Variants in GALNT17 observed in about 807,000 individuals in gnomAD.
The protein encoded by GALNT17 is polypeptide N-acetylgalactosaminyltransferase 17.
In GALNT17, 29 loss-of-function variants were observed where a neutral mutation model predicts 63.7. The ratio of observed to expected loss-of-function variants is 0.46; its 90% CI spans 0.34 to 0.62. The LOEUF (loss-of-function observed/expected upper bound fraction) is 0.62, where lower values mean the gene tolerates loss of function less well. GALNT17 is among the 20% of genes least tolerant of loss of function. GALNT17 has a pLI of 0.01. For missense variants in GALNT17, 603 were observed against 799.6 expected, an observed-to-expected ratio of 0.75 and a Z score of 2.97; for synonymous variants, 305 against 318.3, an observed-to-expected ratio of 0.96 and a Z score of 0.45.
At chr7:71,260,433 G>C (rs1462363517) in intron 1 of GALNT17, among the ~76,000 whole-genome samples, 1 of 152,096 alleles carries the variant, frequency 6.6e-6, no homozygotes, top group Admixed American at 6.6e-5. Context: ...TTATTCCACT[G>C]TGTGAGATCC....
chr7:71,435,169 A>T (rs1583950198), intron 5 of GALNT17, among the ~76,000 whole-genome samples: 1 of 152,108 alleles, frequency 6.6e-6, no homozygotes, highest in Admixed American at 6.6e-5. Flanking sequence ...CTACAGAAAA[A>T]TTTTTAAAAT....
At chr7:71,660,985 A>C (rs1204528405) in intron 6 of GALNT17, among the ~76,000 whole-genome samples, 2 of 152,212 alleles carry the variant, frequency 1.3e-5, no homozygotes, top group African/African-American at 4.8e-5. Context: ...GGATCCGTGC[A>C]GCAGCAGGCT....
intron 1 of GALNT17, among the ~76,000 whole-genome samples, chr7:71,296,774 A>G (rs1385866527): frequency 6.6e-6 from 1 of 152,026 alleles, no homozygotes; most frequent in African/African-American, 2.4e-5. Flanking sequence ...TAAGTAAAGT[A>G]TGATATTTAA....
intron 1 of GALNT17, among the ~76,000 whole-genome samples, chr7:71,318,178 T>A (rs186003714): frequency 2.6e-5 from 4 of 152,164 alleles, no homozygotes; most frequent in African/African-American, 7.2e-5. Context: ...GTACTGGGAT[T>A]ATAGGCATAA....
Position 71,677,375 on chromosome 7 carries a change from C to G in GALNT17, c.1500+69C>G. On this transcript the variant is annotated intron_variant, in intron 9 of 10. Transcript: ENST00000333538. The stretch of plus-strand genomic sequence containing the variant: ...TCCGACCCACAGAGGCCTTGCAGGC[C>G]TTCTGGATAAACTTTGTTGCTGTCT... 3 of 1,457,420 alleles carry G rather than the reference C, an allele frequency of 2.1e-6. No individual in the cohort carries two copies. The South Asian group carries it at 3.8e-5, about 19-fold the overall frequency. 90.3% of individuals were successfully genotyped at this position (1,457,420 alleles called of 1,614,324 possible). A position where few individuals can be genotyped will look rare whatever the true frequency, so the allele number is the denominator to read the frequency against.
intron 6 of GALNT17, among the ~76,000 whole-genome samples, chr7:71,604,156 G>T (rs1790011259): frequency 6.6e-6 from 1 of 151,738 alleles, no homozygotes. Flanking sequence ...TGCATACAAT[G>T]GATACTATGC....
intron 6 of GALNT17, among the ~76,000 whole-genome samples, chr7:71,625,541 T>C (rs1790359799): frequency 1.3e-5 from 2 of 152,160 alleles, no homozygotes; most frequent in Admixed American, 1.3e-4. Flanking sequence ...CTTATAATTT[T>C]TTGGTGTTTT....
chr7:71,480,030 G>A (rs550373014), intron 5 of GALNT17, among the ~76,000 whole-genome samples: 1 of 152,122 alleles, frequency 6.6e-6, no homozygotes, highest in Admixed American at 6.5e-5. Context: ...GACATCTGAT[G>A]GACTCCCAAT....
chr7:71,200,209 TATC>T (rs1408452149), intron 1 of GALNT17, among the ~76,000 whole-genome samples: 1 of 152,220 alleles, frequency 6.6e-6, no homozygotes, highest in Non-Finnish European at 1.5e-5. Context: ...TCTGCCACGT[TATC>T]ATGTTGGCTT....
chr7:71,545,217 G>GA (rs1264086216), intron 5 of GALNT17, among the ~76,000 whole-genome samples: 1 of 152,040 alleles, frequency 6.6e-6, no homozygotes, highest in African/African-American at 2.4e-5. Context: ...AAGCTCTAAA[G>GA]ACTCTTCATT....
chr7:71,166,724 C>T (rs1389119902), intron 1 of GALNT17, among the ~76,000 whole-genome samples: 1 of 151,966 alleles, frequency 6.6e-6, no homozygotes, highest in Non-Finnish European at 1.5e-5. Flanking sequence ...GTTTGTTTAC[C>T]CATTCTCTTG....
At chr7:71,471,409 A>AC (rs1787628809) in intron 5 of GALNT17, among the ~76,000 whole-genome samples, 1 of 148,716 alleles carries the variant, frequency 6.7e-6, no homozygotes, top group Non-Finnish European at 1.5e-5. Context: ...CAAAAAAAAA[A>AC]AAAAACAAAA....
At chr7:71,685,121 C>A (rs527818557) in intron 9 of GALNT17, among the ~76,000 whole-genome samples, 1 of 152,130 alleles carries the variant, frequency 6.6e-6, no homozygotes, top group African/African-American at 2.4e-5. Flanking sequence ...TTGAGTCCTT[C>A]GGTGTTCTCC....
At chr7:71,585,736 T>C (rs938765324) in intron 6 of GALNT17, among the ~76,000 whole-genome samples, 2 of 152,120 alleles carry the variant, frequency 1.3e-5, no homozygotes, top group African/African-American at 2.4e-5. Context: ...CAGTCCAATG[T>C]ACAGATTGCC....
At chr7:71,531,473 C>A (rs891619800) in intron 5 of GALNT17, among the ~76,000 whole-genome samples, 1 of 152,178 alleles carries the variant, frequency 6.6e-6, no homozygotes, top group Non-Finnish European at 1.5e-5. Context: ...CAGCTGCACA[C>A]ATACTAGTAG....
Position 71,607,035 on chromosome 7 carries a change from G to T in GALNT17, c.1080+35633G>T, listed in dbSNP as rs184735648. 2.6e-5 allele frequency among the ~76,000 whole-genome samples: 4 copies of T among 152,276 alleles called. No individual in the cohort carries two copies. The South Asian group carries it at 6.2e-4, about 24-fold the overall frequency. ...TAAAATACTAATTGATACCAGGAGTGTTGGCTCACACCTGTAATCCCAGCA... is the reference window on the plus strand; with the variant it reads ...TAAAATACTAATTGATACCAGGAGTTTTGGCTCACACCTGTAATCCCAGCA... On this transcript the variant is annotated intron_variant, in intron 6 of 10. Coordinates refer to ENST00000333538, the MANE Select transcript of GALNT17 (RefSeq NM_022479.3).
intron 6 of GALNT17, among the ~76,000 whole-genome samples, chr7:71,592,225 A>G (rs552719928): frequency 2.1e-4 from 32 of 152,270 alleles, no homozygotes; most frequent in African/African-American, 7.2e-4. Flanking sequence ...AGGAAAAATG[A>G]TGGACCAGGC....
chr7:71,655,161 A>C (rs927452678), intron 6 of GALNT17, among the ~76,000 whole-genome samples: 1 of 152,122 alleles, frequency 6.6e-6, no homozygotes, highest in Non-Finnish European at 1.5e-5. Context: ...AGGCTGGGGC[A>C]GGAGGAGTGC....
intron 5 of GALNT17, among the ~76,000 whole-genome samples, chr7:71,505,593 C>G (rs1340382168): frequency 6.6e-6 from 1 of 152,108 alleles, no homozygotes; most frequent in Non-Finnish European, 1.5e-5. Context: ...GCGTGAGATT[C>G]TGTCTCAGAA....
Sources: allele counts gnomAD v4.1 joint callset (sites outside exome capture counted in the v4.1 genomes callset), GRCh38; gene constraint gnomAD v4.1.1; transcripts MANE v1.5; gene names NCBI Gene and HGNC (gene_info 2026-07-23, HGNC 2026-07-21).